ABCA4: variants seen among roughly 807,000 people sequenced by gnomAD.
ABCA4 encodes ATP binding cassette subfamily A member 4.
A neutral mutation model predicts 263.7 loss-of-function variants in ABCA4; 196 were observed. The ratio of observed to expected loss-of-function variants is 0.74; its 90% CI spans 0.66 to 0.84. The LOEUF is 0.84. Among genes scored for constraint, ABCA4 ranks in the 40% least tolerant of loss-of-function variants. The pLI, the probability that ABCA4 is intolerant of heterozygous loss-of-function variation, is 0.00. For missense variants in ABCA4, 2,792 were observed against 2,855.1 expected (o/e 0.98, Z 0.50); for synonymous variants, 1,133 against 1,094.2 (o/e 1.04, Z -0.70).
intron 45 of ABCA4, 112 bp downstream of exon 45, chr1:94,001,746 C>A: frequency 6.6e-7 from 1 of 1,514,736 alleles, no homozygotes; most frequent in Non-Finnish European, 9.1e-7. Context: ...ACAGTCCAGA[C>A]TAAAGCCAAA....
rs577282134 is a variant in ABCA4 at position 94,112,354 on chromosome 1, C to T, written c.160+619G>A. ...TCTATATTGATTCCTGAAATATTTTCGAGAACTCATCTACAAATCTGTTCT... is the reference window on the plus strand; with the variant it reads ...TCTATATTGATTCCTGAAATATTTTTGAGAACTCATCTACAAATCTGTTCT... On this transcript the variant is annotated intron_variant, in intron 2 of 49. Coordinates refer to ENST00000370225, the MANE Select transcript of ABCA4 (RefSeq NM_000350.3). 3.0e-4 allele frequency among the ~76,000 whole-genome samples: 46 copies of T among 152,218 alleles called. No individual in the cohort carries two copies. The South Asian group carries it at 7.5e-3, about 25-fold the overall frequency.
At position 94,060,749 on chromosome 1, in the gene ABCA4, T is replaced by A. The variant is rs1557786421; in HGVS notation, c.1948A>T (p.Ile650Phe). 6.2e-7 allele frequency: 1 copy of A among 1,611,810 alleles called. No individual in the cohort carries two copies. Among genetic ancestry groups the A allele is most frequent in the Middle Eastern group, 1.6e-4 (1 of 6,062 alleles). The change falls in exon 14 of 50, where the codon ATC becomes TTC. Residue 650 changes from isoleucine (I) to phenylalanine (F), a missense_variant. Coordinates refer to ENST00000370225, the MANE Select transcript of ABCA4 (RefSeq NM_000350.3). Reference protein sequence around the residue: ...PCFVDDSFMIILNRCFPIFMV... With the variant: ...PCFVDDSFMIFLNRCFPIFMV... ...AAGATAGGGAAACAGCGGTTCAGGA[T>A]GATCATGAAACTAAAGCAAAAGGAG...
At chr1:94,012,507 C>A (rs529328426) in intron 38 of ABCA4, among the ~76,000 whole-genome samples, 4 of 152,312 alleles carry the variant, frequency 2.6e-5, no homozygotes, top group African/African-American at 9.6e-5. Context: ...CAGTGGGCCC[C>A]TGGAGGGTGG....
In ABCA4 at chr1:94,121,029, T is replaced by G. The variant is rs1662937406; in HGVS notation, c.17A>C (p.Gln6Pro). The G allele has an allele frequency of 1.2e-6, 2 of 1,614,060 alleles. No individual in the cohort carries two copies. The highest frequency in any genetic ancestry group is 2.2e-5 in the South Asian group (2 of 91,090). The change falls in exon 1 of 50, where the codon CAG becomes CCG. Residue 6 changes from glutamine to proline, a missense_variant. By Grantham distance (76) the Gln-to-Pro change is moderately conservative (BLOSUM62 -1). Coordinates refer to ENST00000370225, the MANE Select transcript of ABCA4 (RefSeq NM_000350.3). ...GTTCTTCCAGAGCAAAAGCTGTATCTGTCTCACGAAGCCCATGCTAATGAC... is the reference window on the plus strand; with the variant it reads ...GTTCTTCCAGAGCAAAAGCTGTATCGGTCTCACGAAGCCCATGCTAATGAC... Reference protein sequence around the residue: MGFVRQIQLLLWKNWT... With the variant: MGFVRPIQLLLWKNWT...
rs527728175 is a variant in ABCA4, at chr1:94,002,424, A to T, written c.6148-432T>A. Among the ~76,000 whole-genome samples the T allele has an allele frequency of 3.9e-5, 6 of 152,352 alleles. No homozygotes were observed. In the East Asian group the frequency reaches 1.2e-3, roughly 29 times the overall value. ...TCCGACACATACCTATGGAGCACTGACCATACGCCAGGCACTGAACCAGGC... is the reference window on the plus strand; with the variant it reads ...TCCGACACATACCTATGGAGCACTGTCCATACGCCAGGCACTGAACCAGGC... On this transcript the variant is annotated intron_variant, in intron 44 of 49. Coordinates refer to ENST00000370225, the MANE Select transcript of ABCA4 (RefSeq NM_000350.3).
intron 40 of ABCA4, among the ~76,000 whole-genome samples, chr1:94,010,342 G>C (rs113073784): frequency 3.4e-4 from 52 of 152,266 alleles, no homozygotes; most frequent in African/African-American, 1.2e-3. Flanking sequence ...CCAGGAGTGG[G>C]GGGTCGTGAT....
At chr1:94,043,012 C>A (rs541312718) in intron 21 of ABCA4, 114 bp from the exon 22 acceptor site, 16 of 1,451,770 alleles carry the variant, frequency 1.1e-5, no homozygotes, top group Non-Finnish European at 1.4e-5. Flanking sequence ...TTTGGTGCTG[C>A]CTCTTAGATG....
intron 26 of ABCA4, 132 bp downstream of exon 26, chr1:94,036,608 G>C: frequency 1.1e-6 from 1 of 927,642 alleles, no homozygotes; most frequent in Non-Finnish European, 1.8e-6. Flanking sequence ...AACTCAGGTG[G>C]TCCATCTGCC....
rs1659914762 is a variant in ABCA4, at chr1:94,021,948, A to G, written c.4671T>C (p.Tyr1557=). The G allele has an allele frequency of 6.2e-7, 1 of 1,614,014 alleles. No homozygotes were observed. Among genetic ancestry groups the G allele is most frequent in the South Asian group, 1.1e-5 (1 of 91,084 alleles). The part of the protein sequence containing the change: ...KSKFWVNEQR[Y]GGISIGGKLP... ...GCTTTCCTCCAATGGAAATTCCTCC[A>G]TACCTGACAAGGAAACAGGAAATCC... is the stretch of plus-strand genomic sequence containing the variant. The change falls in exon 33 of 50, where the codon TAT becomes TAC. Residue 1557 remains tyrosine (Y), a synonymous_variant. Coordinates refer to ENST00000370225, the MANE Select transcript of ABCA4 (RefSeq NM_000350.3).
intron 11 of ABCA4, among the ~76,000 whole-genome samples, chr1:94,065,212 G>A (rs1048208180): frequency 2.0e-5 from 3 of 152,162 alleles, no homozygotes; most frequent in East Asian, 1.9e-4. Context: ...ACAGCCTGGC[G>A]CTCAGGGCCC....
intron 24 of ABCA4, among the ~76,000 whole-genome samples, chr1:94,039,085 C>A (rs1294652097): frequency 1.3e-5 from 2 of 152,120 alleles, no homozygotes; most frequent in African/African-American, 4.8e-5. Flanking sequence ...AACTTCTTGA[C>A]CAAGGTTCAG....
At chr1:94,087,810 G>A (rs1222767479) in intron 6 of ABCA4, among the ~76,000 whole-genome samples, 3 of 152,158 alleles carry the variant, frequency 2.0e-5, no homozygotes, top group Non-Finnish European at 2.9e-5. Flanking sequence ...TGTATTGAGT[G>A]TCTGCTATTG....
intron 40 of ABCA4, chr1:94,010,512 C>G: frequency 2.0e-6 from 1 of 510,896 alleles, no homozygotes; most frequent in Non-Finnish European, 3.6e-6. Context: ...ATACTATCAT[C>G]TAATCAAAAT....
intron 11 of ABCA4, 28 bp downstream of exon 11, chr1:94,077,662 G>A (rs1297425492): frequency 6.3e-7 from 1 of 1,588,352 alleles, no homozygotes; most frequent in Non-Finnish European, 8.6e-7. Context: ...TCTTCAAGGG[G>A]CCCACTGTGG....
intron 35 of ABCA4, 135 bp downstream of exon 35, chr1:94,021,105 G>A (rs570110166): frequency 3.2e-5 from 39 of 1,219,716 alleles, no homozygotes; most frequent in East Asian, 2.6e-4. Flanking sequence ...TTTGAAAGTC[G>A]GATGTTCATA....
intron 37 of ABCA4, among the ~76,000 whole-genome samples, chr1:94,015,274 T>A (rs1258715144): frequency 2.0e-5 from 3 of 152,186 alleles, no homozygotes; most frequent in Non-Finnish European, 4.4e-5. Flanking sequence ...GCCCTGTAAC[T>A]CTGCTGATGT....
chr1:94,099,576 C>A (rs1662232418), intron 5 of ABCA4, among the ~76,000 whole-genome samples: 1 of 152,190 alleles, frequency 6.6e-6, no homozygotes, highest in Non-Finnish European at 1.5e-5. Flanking sequence ...GTTACAGTAC[C>A]ATCAAGGCTT....
chr1:94,078,629 C>T lies in ABCA4; in HGVS notation c.1317G>A (p.Trp439Ter), dbSNP rs61752391. Residue 439 changes from tryptophan to a stop codon, truncating the protein, a stop_gained, in exon 10 of 50, where the codon TGG (tryptophan) becomes TGA (stop). Coordinates refer to ENST00000370225, the MANE Select transcript of ABCA4 (RefSeq NM_000350.3). LOFTEE classifies it high-confidence loss of function. ...TCTGTGTGCTGTTGTCAAAGAAGTACCAGATCTGGGGCCCTACTTCTTCCC... is the reference window on the plus strand; with the variant it reads ...TCTGTGTGCTGTTGTCAAAGAAGTATCAGATCTGGGGCCCTACTTCTTCCC... The part of the protein sequence containing the change: ...KAWEEVGPQI[W>*]YFFDNSTQMN... The T allele has an allele frequency of 2.6e-5, 37 of 1,422,478 alleles. No individual in the cohort carries two copies. The highest frequency in any genetic ancestry group is 3.1e-5 in the African/African-American group (2 of 63,988). The allele number at this position is 1,422,478 out of a possible 1,614,324, so 88.1% of individuals were successfully genotyped here.
In ABCA4 at chr1:94,102,995, G is replaced by A. The variant is rs78637152; in HGVS notation, c.570+20C>T. ...GCTTCCCTCCCCTCCAGGGACCACTGGCCAGTGACATCCCCCTACCTGCTC... is the reference window on the plus strand; with the variant it reads ...GCTTCCCTCCCCTCCAGGGACCACTAGCCAGTGACATCCCCCTACCTGCTC... On this transcript the variant is annotated intron_variant, in intron 5 of 49. Transcript: ENST00000370225. 9.8e-4 allele frequency: 1,576 copies of A among 1,614,114 alleles called. 10 individuals carry two copies. The African/African-American group carries it at 0.019, about 20-fold the overall frequency.
Sources: allele counts gnomAD v4.1 joint callset (sites outside exome capture counted in the v4.1 genomes callset), GRCh38; gene constraint gnomAD v4.1.1; transcripts MANE v1.5; gene names NCBI Gene and HGNC (gene_info 2026-07-23, HGNC 2026-07-21).